Variants in NRG1 observed in about 807,000 individuals in gnomAD.
The protein encoded by NRG1 is neuregulin 1.
NRG1 carries 18 observed loss-of-function variants against 63.8 expected under a neutral mutation model. The observed-to-expected ratio is 0.28, with a 90% confidence interval of 0.19 to 0.42. NRG1 has a LOEUF of 0.42. Ranked by LOEUF, NRG1 falls within the 10% of genes least tolerant of loss-of-function variation. NRG1 has a pLI of 1.00. For synonymous variants in NRG1, 302 were observed against 301.3 expected, an observed-to-expected ratio of 1.00 and a Z score of -0.02; for missense variants, 762 against 814.7, an observed-to-expected ratio of 0.94 and a Z score of 0.79.
At chr8:31,734,061 G>T (rs1013893214) in intron 1 of NRG1, among the ~76,000 whole-genome samples, 1 of 152,118 alleles carries the variant, frequency 6.6e-6, no homozygotes, top group Non-Finnish European at 1.5e-5. Context: ...CAGAGCACAG[G>T]CCTGGGCAGT....
At chr8:32,348,607 T>C (rs1292460596) in intron 1 of NRG1, among the ~76,000 whole-genome samples, 1 of 152,216 alleles carries the variant, frequency 6.6e-6, no homozygotes, top group Admixed American at 6.5e-5. Flanking sequence ...GCCACTTACT[T>C]ACTCAATTGT....
At chr8:32,589,873 C>A (rs967996449) in intron 1 of NRG1, among the ~76,000 whole-genome samples, 13 of 152,024 alleles carry the variant, frequency 8.6e-5, no homozygotes, top group Non-Finnish European at 1.8e-4. Context: ...TATTTTTTCA[C>A]CCATTAAATT....
At chr8:31,657,043 C>T (rs1269733384) in intron 1 of NRG1, among the ~76,000 whole-genome samples, 1 of 152,162 alleles carries the variant, frequency 6.6e-6, no homozygotes, top group Non-Finnish European at 1.5e-5. Context: ...GTGCATTTTT[C>T]CTGCCCATCT....
rs540928784 is a variant in NRG1 at position 31,668,970 on chromosome 8, A to G, written c.37+29539A>G. 2.0e-5 allele frequency among the ~76,000 whole-genome samples: 3 copies of G among 152,278 alleles called. No homozygotes were observed. The South Asian group carries it at 6.2e-4, about 32-fold the overall frequency. On this transcript the variant is annotated intron_variant, in intron 1 of 10. Transcript: ENST00000519301. ...TTATACATAATGAGATATAGAGGGG[A>G]CGTGATCTGAGTCTAAACATGAAGT...
chr8:32,634,099 T>TAAAAAA lies in NRG1; in HGVS notation c.502+17228_502+17233dup, dbSNP rs57478389. Among the ~76,000 whole-genome samples the TAAAAAA allele has an allele frequency of 3.1e-4, 27 of 86,764 alleles. 2 individuals carry two copies. In the East Asian group the frequency reaches 4.2e-3, roughly 14 times the overall value. 56.9% of individuals were successfully genotyped at this position (86,764 alleles called of 152,430 possible). A position where few individuals can be genotyped will look rare whatever the true frequency, so the allele number is the denominator to read the frequency against. ...TTTGAGGCTGAGCAAGATCTTGTCT[T>TAAAAAA]AAAAAAAAAAAAAAAAAAAGGTTGC... On this transcript the variant is annotated intron_variant, in intron 5 of 11. Transcript: ENST00000356819.
chr8:31,903,079 T>C (rs1402213830), intron 1 of NRG1, among the ~76,000 whole-genome samples: 1 of 151,680 alleles, frequency 6.6e-6, no homozygotes, highest in East Asian at 1.9e-4. Flanking sequence ...GGGATCCAGC[T>C]GATATTTAGC....
chr8:32,734,916 G>T (rs1028125939), intron 6 of NRG1, among the ~76,000 whole-genome samples: 1 of 152,104 alleles, frequency 6.6e-6, no homozygotes, highest in Admixed American at 6.5e-5. Context: ...ACAAAGTAGT[G>T]AACAAAACCA....
intron 1 of NRG1, among the ~76,000 whole-genome samples, chr8:31,650,229 C>T (rs1804699088): frequency 6.6e-6 from 1 of 152,186 alleles, no homozygotes; most frequent in Non-Finnish European, 1.5e-5. Flanking sequence ...GCTCCCACCT[C>T]AGCCTCCCAA....
At chr8:32,163,306 T>G (rs1415862220) in intron 1 of NRG1, among the ~76,000 whole-genome samples, 1 of 152,144 alleles carries the variant, frequency 6.6e-6, no homozygotes, top group African/African-American at 2.4e-5. Context: ...AGAAATGAGT[T>G]TCCAGCCCTC....
chr8:32,077,382 T>C (rs942354327), intron 1 of NRG1, among the ~76,000 whole-genome samples: 5 of 151,890 alleles, frequency 3.3e-5, no homozygotes, highest in Admixed American at 1.3e-4. Context: ...CCCCAAAAAA[T>C]TGTTAACTAC....
chr8:32,648,615 A>G (rs1854246498), intron 5 of NRG1, among the ~76,000 whole-genome samples: 3 of 152,330 alleles, frequency 2.0e-5, no homozygotes, highest in African/African-American at 4.8e-5. Flanking sequence ...ACATGGCTCA[A>G]TCTGGTACCG....
chr8:31,930,757 G>A (rs1008945426), intron 1 of NRG1, among the ~76,000 whole-genome samples: 1 of 152,138 alleles, frequency 6.6e-6, no homozygotes, highest in African/African-American at 2.4e-5. Context: ...AGCAGTGATA[G>A]CATGAAACCA....
At chr8:32,499,817 C>T (rs936622579) in intron 1 of NRG1, among the ~76,000 whole-genome samples, 44 of 152,132 alleles carry the variant, frequency 2.9e-4, no homozygotes, top group African/African-American at 9.2e-4. Flanking sequence ...GTCCAAACTA[C>T]GGTAGTGATA....
chr8:32,173,662 G>GA (rs1329922486), intron 1 of NRG1, among the ~76,000 whole-genome samples: 3 of 151,174 alleles, frequency 2.0e-5, no homozygotes, highest in Non-Finnish European at 4.4e-5. Context: ...CAAACAAATG[G>GA]AAAACAAAAA....
At chr8:32,186,588 C>T (rs759807080) in intron 1 of NRG1, among the ~76,000 whole-genome samples, 3 of 152,152 alleles carry the variant, frequency 2.0e-5, no homozygotes, top group Non-Finnish European at 2.9e-5. Context: ...TGGTGGCACA[C>T]TGGAGATGTG....
intron 1 of NRG1, among the ~76,000 whole-genome samples, chr8:32,186,249 G>A (rs924843132): frequency 1.3e-5 from 2 of 152,088 alleles, no homozygotes; most frequent in Non-Finnish European, 2.9e-5. Flanking sequence ...TGGTAATGAG[G>A]TCAGGGGATC....
intron 1 of NRG1, among the ~76,000 whole-genome samples, chr8:31,813,317 T>C (rs990124611): frequency 1.3e-5 from 2 of 152,134 alleles, no homozygotes; most frequent in Non-Finnish European, 2.9e-5. Context: ...GGGGTACATG[T>C]GATACTTTGG....
At chr8:31,675,901 C>A (rs540436925) in intron 1 of NRG1, among the ~76,000 whole-genome samples, 5 of 152,164 alleles carry the variant, frequency 3.3e-5, no homozygotes, top group South Asian at 2.1e-4. Context: ...AAATTTTGTG[C>A]CTTTTCTGTA....
At chr8:32,103,815 G>A (rs1271241430) in intron 1 of NRG1, among the ~76,000 whole-genome samples, 1 of 152,134 alleles carries the variant, frequency 6.6e-6, no homozygotes, top group Admixed American at 6.6e-5. Context: ...GCTGTAGAGA[G>A]GAGATGAGGA....
Sources: gnomAD v4.1 joint callset for allele counts (sites outside exome capture counted in the v4.1 genomes callset) on GRCh38, gnomAD v4.1.1 for gene constraint, MANE v1.5 for transcripts, NCBI Gene and HGNC (gene_info 2026-07-23, HGNC 2026-07-21) for gene names.